IMMP1L: variants seen among roughly 807,000 people sequenced by gnomAD.
The protein encoded by IMMP1L is inner mitochondrial membrane peptidase subunit 1.
In IMMP1L, 24 loss-of-function variants were observed where a neutral mutation model predicts 21.8. The ratio of observed to expected loss-of-function variants is 1.10; its 90% CI spans 0.80 to 1.55. IMMP1L has a LOEUF of 1.55. Ranked by LOEUF, IMMP1L falls within the 40% of genes most tolerant of loss-of-function variation. The probability of loss-of-function intolerance (pLI) is 0.00; values close to 1 mark genes in which losing one functional copy is unlikely to be tolerated. For synonymous variants in IMMP1L, 46 were observed against 62.8 expected, an observed-to-expected ratio of 0.73 and a Z score of 1.26; for missense variants, 195 against 200.7, an observed-to-expected ratio of 0.97 and a Z score of 0.17.
rs143934537 is a variant in IMMP1L at position 31,508,059 on chromosome 11, G to A, written c.-30+1460C>T. Among the ~76,000 whole-genome samples the A allele has an allele frequency of 5.3e-5, 8 of 152,178 alleles. No homozygotes were observed. In the South Asian group the frequency reaches 8.3e-4, roughly 16 times the overall value. ...CAGGAAGAATAGCTAATGGATGCTG[G>A]GCTTAATACCGAGGTGGTGGGTTGA... On this transcript the variant is annotated intron_variant, in intron 1 of 5. Transcript: ENST00000532287.
At chr11:31,485,272 C>T (rs956838280) in intron 1 of IMMP1L, among the ~76,000 whole-genome samples, 1 of 151,696 alleles carries the variant, frequency 6.6e-6, no homozygotes, top group Non-Finnish European at 1.5e-5. Context: ...AATGTCTATC[C>T]TATCAAATAT....
intron 1 of IMMP1L, among the ~76,000 whole-genome samples, chr11:31,497,511 G>A (rs1313791822): frequency 6.7e-6 from 1 of 149,054 alleles, no homozygotes; most frequent in African/African-American, 2.5e-5. Flanking sequence ...CGCCAGACTG[G>A]AGTGCAGTGG....
At chr11:31,442,163 T>TA (rs1953354215) in intron 4 of IMMP1L, among the ~76,000 whole-genome samples, 1 of 152,012 alleles carries the variant, frequency 6.6e-6, no homozygotes, top group Admixed American at 6.5e-5. Flanking sequence ...GACAGAGGTT[T>TA]ACTTCCTGAG....
At chr11:31,496,095 C>T (rs1955423229) in intron 1 of IMMP1L, among the ~76,000 whole-genome samples, 1 of 147,640 alleles carries the variant, frequency 6.8e-6, no homozygotes. Flanking sequence ...ATATAAAGAA[C>T]TCCTATAACT....
chr11:31,481,841 T>C (rs1441048717), intron 1 of IMMP1L, among the ~76,000 whole-genome samples: 2 of 152,038 alleles, frequency 1.3e-5, no homozygotes, highest in South Asian at 4.1e-4. Context: ...AAAAAAGGTA[T>C]ATTTAAAATC....
chr11:31,463,792 G>A (rs1318398328), intron 1 of IMMP1L, among the ~76,000 whole-genome samples: 1 of 151,790 alleles, frequency 6.6e-6, no homozygotes. Flanking sequence ...ACCCTTCTGG[G>A]GCCTAGTAGA....
chr11:31,497,276 C>T (rs1955474596), intron 1 of IMMP1L, among the ~76,000 whole-genome samples: 1 of 151,694 alleles, frequency 6.6e-6, no homozygotes, highest in Non-Finnish European at 1.5e-5. Context: ...AATACATGAA[C>T]TTTGAAAAAC....
chr11:31,440,689 C>G (rs1051608141), intron 4 of IMMP1L, among the ~76,000 whole-genome samples: 2 of 152,190 alleles, frequency 1.3e-5, no homozygotes, highest in Non-Finnish European at 2.9e-5. Flanking sequence ...CTGCGCCCAG[C>G]CTTAAAATAC....
chr11:31,447,810 C>CT (rs1441107190), intron 4 of IMMP1L, among the ~76,000 whole-genome samples: 3 of 152,028 alleles, frequency 2.0e-5, no homozygotes, highest in Non-Finnish European at 4.4e-5. Flanking sequence ...TCTATTTTTC[C>CT]TTTTTTTCAT....
chr11:31,506,796 C>G (rs1269060473), intron 1 of IMMP1L, among the ~76,000 whole-genome samples: 1 of 150,982 alleles, frequency 6.6e-6, no homozygotes, highest in African/African-American at 2.4e-5. Context: ...CCTGTCTCTA[C>G]TCAAAATACA....
intron 1 of IMMP1L, among the ~76,000 whole-genome samples, chr11:31,466,299 T>C (rs1954344048): frequency 1.3e-5 from 2 of 152,074 alleles, no homozygotes; most frequent in Admixed American, 1.3e-4. Context: ...TCATATACCC[T>C]GTTAGTGGGA....
intron 1 of IMMP1L, among the ~76,000 whole-genome samples, chr11:31,482,970 T>C (rs1954950755): frequency 6.6e-6 from 1 of 152,024 alleles, no homozygotes; most frequent in Non-Finnish European, 1.5e-5. Context: ...TAGTTATATA[T>C]TCACAACTAC....
chr11:31,496,126 AAAAAC>A (rs1955426374), intron 1 of IMMP1L, among the ~76,000 whole-genome samples: 1 of 151,002 alleles, frequency 6.6e-6, no homozygotes, highest in Non-Finnish European at 1.5e-5. Context: ...CAAAAAAAAA[AAAAAC>A]AAAGCCATTA....
intron 3 of IMMP1L, among the ~76,000 whole-genome samples, chr11:31,458,093 A>G (rs1209856078): frequency 7.2e-5 from 11 of 152,166 alleles, no homozygotes. Context: ...CAAATAATCA[A>G]TATGACCCTT....
chr11:31,463,819 G>A (rs1954237006), intron 1 of IMMP1L, among the ~76,000 whole-genome samples: 2 of 152,012 alleles, frequency 1.3e-5, no homozygotes, highest in South Asian at 4.1e-4. Context: ...CTCATAGAAT[G>A]ATTATTAGAA....
rs1175029630 is a variant in IMMP1L at position 31,472,011 on chromosome 11, T to C, written c.-29-8706A>G. Among the ~76,000 whole-genome samples the C allele has an allele frequency of 3.9e-5, 6 of 152,178 alleles. No homozygotes were observed. In the East Asian group the frequency reaches 1.2e-3, roughly 29 times the overall value. ...CCCCTTTGTTCCATCTCAAAGCCTT[T>C]AATCTCCCTGGCCATTATTCCATGG... On this transcript the variant is annotated intron_variant, in intron 1 of 5. Transcript: ENST00000532287.
chr11:31,500,346 C>G (rs1955578432), intron 1 of IMMP1L, among the ~76,000 whole-genome samples: 1 of 151,796 alleles, frequency 6.6e-6, no homozygotes, highest in African/African-American at 2.4e-5. Context: ...AATAAGCAAC[C>G]CTGGAGAAAT....
intron 1 of IMMP1L, among the ~76,000 whole-genome samples, chr11:31,470,433 A>G (rs1049295706): frequency 6.6e-6 from 1 of 150,582 alleles, no homozygotes; most frequent in African/African-American, 2.4e-5. Context: ...AAAACAAAAA[A>G]CAAAAAAAAA....
At chr11:31,496,615 ATGTG>A (rs199866368) in intron 1 of IMMP1L, among the ~76,000 whole-genome samples, 43 of 149,082 alleles carry the variant, frequency 2.9e-4, no homozygotes, top group Admixed American at 6.7e-4. Flanking sequence ...ACTGTGATAT[ATGTG>A]TGTGTGTGTG....
Sources: allele counts gnomAD v4.1 joint callset (sites outside exome capture counted in the v4.1 genomes callset), GRCh38; gene constraint gnomAD v4.1.1; transcripts MANE v1.5; gene names NCBI Gene and HGNC (gene_info 2026-07-23, HGNC 2026-07-21).